Variants in PHC2 observed in about 807,000 individuals in gnomAD.
PHC2 encodes the protein polyhomeotic-like protein 2.
PHC2 carries 29 observed loss-of-function variants against 87.4 expected under a neutral mutation model. The observed-to-expected ratio is 0.33, with a 90% CI of 0.25 to 0.45. The LOEUF is 0.45. PHC2 is among the 20% of genes least tolerant of loss of function. The probability of loss-of-function intolerance (pLI) is 1.00; values close to 1 mark genes in which losing one functional copy is unlikely to be tolerated. For synonymous variants in PHC2, 438 were observed against 461.7 expected, an observed-to-expected ratio of 0.95 and a Z score of 0.66; for missense variants, 857 against 1,136.7, an observed-to-expected ratio of 0.75 and a Z score of 3.54.
intron 7 of PHC2, among the ~76,000 whole-genome samples, chr1:33,356,162 G>A (rs1647066612): frequency 6.6e-6 from 1 of 150,746 alleles, no homozygotes; most frequent in South Asian, 2.1e-4. Flanking sequence ...CACAGTGCCT[G>A]ACAGGAATTT....
Position 33,349,723 on chromosome 1 carries a change from C to T in PHC2, c.1558+4678G>A, listed in dbSNP as rs1377420290. On this transcript the variant is annotated intron_variant, in intron 9 of 14. Coordinates refer to ENST00000683057, the MANE Select transcript of PHC2 (RefSeq NM_001385109.1). This position sits in a 1 kb window ranked among gnomAD's most constrained non-coding sequence, Gnocchi z 4.2. Reference sequence around the variant, plus strand: ...TCCGCCGGGAGCCTCCGAGCCGGGGCCCGGGGCTGCCGCGGCGCATCCGAC... The same window carrying T: ...TCCGCCGGGAGCCTCCGAGCCGGGGTCCGGGGCTGCCGCGGCGCATCCGAC... 10 of 994,916 alleles carry T rather than the reference C, an allele frequency of 1.0e-5. No individual in the cohort carries two copies. The East Asian group carries it at 1.0e-3, about 101-fold the overall frequency. The allele number at this position is 994,916 out of a possible 1,614,324, so 61.6% of individuals were successfully genotyped here.
intron 1 of PHC2, among the ~76,000 whole-genome samples, chr1:33,407,783 T>C (rs925518331): frequency 1.1e-4 from 17 of 152,324 alleles, no homozygotes; most frequent in Admixed American, 5.9e-4. Context: ...TTAAAAACAA[T>C]TGCAGCAAAT....
At chr1:33,376,192 A>G (rs1205494541) in intron 1 of PHC2, among the ~76,000 whole-genome samples, 1 of 152,088 alleles carries the variant, frequency 6.6e-6, no homozygotes, top group Admixed American at 6.5e-5. Flanking sequence ...CCACCACCAC[A>G]CCCAGCTAAT....
At chr1:33,335,258 C>T in intron 9 of PHC2, 4 of 985,346 alleles carry the variant, frequency 4.1e-6, no homozygotes, top group Non-Finnish European at 3.6e-6. Flanking sequence ...TGCAAGACTT[C>T]ATCTCCTCAC....
chr1:33,406,961 G>A (rs1267536381), intron 1 of PHC2, among the ~76,000 whole-genome samples: 3 of 152,076 alleles, frequency 2.0e-5, no homozygotes, highest in South Asian at 2.1e-4. Context: ...TCTTGCATAT[G>A]ATCTATCATT....
At chr1:33,370,886 C>A in intron 4 of PHC2, 131 bp downstream of exon 4, 1 of 796,486 alleles carries the variant, frequency 1.3e-6, no homozygotes. Flanking sequence ...TTTTCTTTTT[C>A]TTCCCGGTAA....
At chr1:33,357,660 A>G (rs1256147725) in intron 7 of PHC2, among the ~76,000 whole-genome samples, 4 of 152,160 alleles carry the variant, frequency 2.6e-5, no homozygotes, top group African/African-American at 7.2e-5. Flanking sequence ...ACTGACCCCA[A>G]TCTAAGCTGT....
intron 9 of PHC2, among the ~76,000 whole-genome samples, chr1:33,353,887 C>T (rs1647019308): frequency 1.3e-5 from 2 of 152,222 alleles, no homozygotes; most frequent in South Asian, 2.1e-4. Context: ...TAACTGAGCC[C>T]GCACAGATGG....
chr1:33,419,921 T>C (rs548067555), intron 1 of PHC2, among the ~76,000 whole-genome samples: 15 of 152,204 alleles, frequency 9.9e-5, no homozygotes, highest in Non-Finnish European at 1.9e-4. Context: ...CTCTCTCTTA[T>C]AAGGACACTT....
chr1:33,391,396 G>A (rs902835804), intron 1 of PHC2, among the ~76,000 whole-genome samples: 1 of 152,202 alleles, frequency 6.6e-6, no homozygotes, highest in African/African-American at 2.4e-5. Context: ...TTTAGTACAT[G>A]TACTCAGAAA....
chr1:33,352,449 T>C (rs1328458570), intron 9 of PHC2, among the ~76,000 whole-genome samples: 3 of 152,162 alleles, frequency 2.0e-5, no homozygotes, highest in Non-Finnish European at 2.9e-5. Flanking sequence ...CAGAGGGTTA[T>C]TGTCAGGATT....
intron 1 of PHC2, among the ~76,000 whole-genome samples, chr1:33,427,369 G>T (rs1650716535): frequency 6.6e-6 from 1 of 152,164 alleles, no homozygotes; most frequent in Non-Finnish European, 1.5e-5. Context: ...GAAATAAAAA[G>T]AATAATATTT....
chr1:33,350,088 G>GCGCCA, intron 9 of PHC2, among the ~76,000 whole-genome samples: 1 of 151,970 alleles, frequency 6.6e-6, no homozygotes. Context: ...AGGGAGGCGG[G>GCGCCA]CGCCACGCCA....
intron 1 of PHC2, among the ~76,000 whole-genome samples, chr1:33,395,252 A>G (rs1291501781): frequency 1.3e-5 from 2 of 152,110 alleles, no homozygotes; most frequent in South Asian, 2.1e-4. Context: ...AAGTTAATCT[A>G]TGATAGAAAA....
chr1:33,421,007 G>A (rs1466458515), intron 1 of PHC2, among the ~76,000 whole-genome samples: 3 of 152,134 alleles, frequency 2.0e-5, no homozygotes, highest in Non-Finnish European at 2.9e-5. Context: ...AAGAATTAAC[G>A]TTATGCTCTA....
chr1:33,333,423 C>T (rs536419114), intron 10 of PHC2: 1 of 152,644 alleles, frequency 6.6e-6, no homozygotes, highest in South Asian at 2.1e-4. Flanking sequence ...CTGGGCTCCT[C>T]CACACCCACA....
chr1:33,346,276 G>T (rs1212208822), intron 9 of PHC2: 2 of 985,282 alleles, frequency 2.0e-6, no homozygotes, highest in Non-Finnish European at 2.4e-6. Flanking sequence ...CTCACTCCAG[G>T]ACAGTCTCCT....
intron 1 of PHC2, among the ~76,000 whole-genome samples, chr1:33,402,612 C>G (rs1218631353): frequency 6.6e-6 from 1 of 152,018 alleles, no homozygotes; most frequent in Non-Finnish European, 1.5e-5. Flanking sequence ...GAATGCTATA[C>G]AACAGTGAAA....
chr1:33,346,979 A>C (rs1197758518), intron 9 of PHC2: 1 of 985,332 alleles, frequency 1.0e-6, no homozygotes, highest in African/African-American at 1.7e-5. Context: ...CAGAGGTAAG[A>C]AGAGTTCAAT....
Sources: allele counts gnomAD v4.1 joint callset (sites outside exome capture counted in the v4.1 genomes callset), GRCh38; gene constraint gnomAD v4.1.1; non-coding constraint Gnocchi (gnomAD v3.1); transcripts MANE v1.5; gene names NCBI Gene and HGNC (gene_info 2026-07-23, HGNC 2026-07-21).